The following TBC1D4 variants were observed in gnomAD, a reference collection of about 807,000 sequenced individuals.
The protein encoded by TBC1D4 is TBC (Tre-2, BUB2, CDC16) domain-containing protein.
A neutral mutation model predicts 142.5 loss-of-function variants in TBC1D4; 121 were observed. The observed-to-expected ratio is 0.85, with a 90% CI of 0.73 to 0.99. TBC1D4 has a LOEUF of 0.99. Ranked by LOEUF, TBC1D4 falls within the 50% of genes least tolerant of loss-of-function variation. The pLI is 0.00. For missense variants in TBC1D4, 1,475 were observed against 1,606.6 expected, an observed-to-expected ratio of 0.92 and a Z score of 1.40; for synonymous variants, 630 against 628.2, an observed-to-expected ratio of 1.00 and a Z score of -0.04.
chr13:75,360,845 T>A (rs1882442212), intron 2 of TBC1D4, among the ~76,000 whole-genome samples: 2 of 152,196 alleles, frequency 1.3e-5, no homozygotes. Flanking sequence ...GCTTTTTCTA[T>A]AATAAAATAT....
chr13:75,304,390 A>G (rs574548984), intron 15 of TBC1D4, among the ~76,000 whole-genome samples: 10 of 152,230 alleles, frequency 6.6e-5, no homozygotes, highest in Non-Finnish European at 1.5e-4. Flanking sequence ...ATCCATTCTC[A>G]GGAAAATCAT....
intron 11 of TBC1D4, among the ~76,000 whole-genome samples, chr13:75,323,574 C>A (rs1354936627): frequency 2.0e-5 from 3 of 152,080 alleles, no homozygotes; most frequent in Admixed American, 2.0e-4. Context: ...ATTTAACAGG[C>A]TATACATTTT....
At chr13:75,321,802 C>A (rs1878805334) in intron 11 of TBC1D4, among the ~76,000 whole-genome samples, 1 of 151,984 alleles carries the variant, frequency 6.6e-6, no homozygotes. Flanking sequence ...CATATGTCTA[C>A]TCACAAGAGA....
intron 1 of TBC1D4, among the ~76,000 whole-genome samples, chr13:75,421,759 C>G (rs2138122547): frequency 6.6e-6 from 1 of 152,260 alleles, no homozygotes; most frequent in South Asian, 2.1e-4. Context: ...TAACGAAGTA[C>G]TTTAAAAGTG....
chr13:75,362,592 T>TA lies in TBC1D4; in HGVS notation c.513dup (p.Ser172Ter), dbSNP rs756580276. The TA allele has an allele frequency of 8.1e-6, 13 of 1,613,934 alleles. No individual in the cohort carries two copies. The highest frequency in any genetic ancestry group is 1.0e-5 in the Non-Finnish European group (12 of 1,179,956). On this transcript the variant is annotated frameshift_variant, in exon 2 of 21. Transcript: ENST00000377636. LOFTEE classifies it high-confidence loss of function. This position sits in a 1 kb window ranked among gnomAD's most constrained non-coding sequence, Gnocchi z 4.2. ...GCTTTAGATAATTGCCTTATGCTGCTAATAACATCAGGAACCTGGGGGAAA... is the reference window on the plus strand; with the variant it reads ...GCTTTAGATAATTGCCTTATGCTGCTAAATAACATCAGGAACCTGGGGGAAA...
chr13:75,341,618 CAG>C (rs749914581), intron 5 of TBC1D4, 31 bp from the exon 6 acceptor site: 2 of 1,538,542 alleles, frequency 1.3e-6, no homozygotes, highest in South Asian at 2.2e-5. Flanking sequence ...AGGTATTAAA[CAG>C]AGTCTAGCAG....
intron 13 of TBC1D4, among the ~76,000 whole-genome samples, chr13:75,311,971 A>G (rs1043190608): frequency 3.9e-5 from 6 of 152,230 alleles, no homozygotes; most frequent in Non-Finnish European, 7.3e-5. Context: ...AAAGATGAGT[A>G]TGTTAAAATC....
intron 1 of TBC1D4, 73 bp downstream of exon 1, chr13:75,481,197 C>A: frequency 8.6e-7 from 1 of 1,163,286 alleles, no homozygotes; most frequent in East Asian, 3.1e-5. Context: ...AAGTGGGGTC[C>A]CCGCCCCTCC....
chr13:75,473,808 GTCC>G (rs373074957), intron 1 of TBC1D4, among the ~76,000 whole-genome samples: 52 of 152,210 alleles, frequency 3.4e-4, no homozygotes, highest in Non-Finnish European at 6.2e-4. Context: ...CCTATATTTT[GTCC>G]CTGTCATATA....
At position 75,306,334 on chromosome 13, in the gene TBC1D4, T is replaced by C; in HGVS notation, c.2731A>G (p.Ile911Val). 1 of 1,612,156 alleles carries C rather than the reference T, an allele frequency of 6.2e-7. No individual in the cohort carries two copies. Among genetic ancestry groups the C allele is most frequent in the Non-Finnish European group, 8.5e-7 (1 of 1,179,654 alleles). The change falls in exon 15 of 21, where the codon ATT becomes GTT. Residue 911 changes from isoleucine (I) to valine (V), a missense_variant. By Grantham distance (29) the Ile-to-Val change is conservative. Around this residue, in one of 2 missense-constraint regions of TBC1D4, gnomAD observed 1,227 missense variants for 1,267.7 expected, o/e 0.97. Transcript: ENST00000377636. ...ATACCTTCTTTAAGAAGAGTATGAA[T>C]ATCTTCCATATCACATCTGATTTTA... ...RAKIRCDMED[I>V]HTLLKEGVPK...
At chr13:75,459,894 G>A (rs138961466) in intron 1 of TBC1D4, among the ~76,000 whole-genome samples, 2,198 of 152,292 alleles carry the variant, frequency 0.014, 17 homozygotes, top group South Asian at 0.033. Context: ...TGTAATCCCA[G>A]CACTTTGGGA....
In TBC1D4 at chr13:75,481,410, C is replaced by A; in HGVS notation, c.358G>T (p.Glu120Ter). 6.2e-7 allele frequency: 1 copy of A among 1,613,860 alleles called. No homozygotes were observed. Among genetic ancestry groups the A allele is most frequent in the East Asian group, 2.2e-5 (1 of 44,836 alleles). The stretch of plus-strand genomic sequence containing the variant: ...CGCGAGATATGCTGCGCCTTGTGCT[C>A]GAAGATGAATACCGCCGGGTTGGGC... Reference protein sequence around the residue: ...TQPNPAVFIFEHKAQHISRFI... With the variant: ...TQPNPAVFIF Residue 120 changes from glutamate to a stop codon, truncating the protein, a stop_gained, in exon 1 of 21, where the codon GAG becomes TAG. Coordinates refer to ENST00000377636, the MANE Select transcript of TBC1D4 (RefSeq NM_014832.5). LOFTEE classifies it high-confidence loss of function.
At chr13:75,364,940 T>C (rs1170122764) in intron 1 of TBC1D4, among the ~76,000 whole-genome samples, 3 of 152,236 alleles carry the variant, frequency 2.0e-5, no homozygotes, top group African/African-American at 7.2e-5. Context: ...ACCTCAGAGT[T>C]CCATTCTACA....
intron 1 of TBC1D4, among the ~76,000 whole-genome samples, chr13:75,389,368 GTC>G (rs1446795206): frequency 6.6e-6 from 1 of 152,134 alleles, no homozygotes; most frequent in East Asian, 1.9e-4. Flanking sequence ...TCATCATACT[GTC>G]TCTGTTTCAG....
intron 8 of TBC1D4, among the ~76,000 whole-genome samples, chr13:75,328,772 A>C (rs1356729410): frequency 6.6e-6 from 1 of 151,574 alleles, no homozygotes; most frequent in Non-Finnish European, 1.5e-5. Flanking sequence ...CCAGGCTTCG[A>C]CTCTGTCTGC....
chr13:75,288,582 TC>T (rs1874931203), intron 20 of TBC1D4, among the ~76,000 whole-genome samples: 1 of 152,128 alleles, frequency 6.6e-6, no homozygotes, highest in Admixed American at 6.6e-5. Flanking sequence ...ACTCATTTCT[TC>T]CACCAACCCT....
intron 1 of TBC1D4, among the ~76,000 whole-genome samples, chr13:75,397,109 T>C (rs1309463249): frequency 1.3e-5 from 2 of 151,736 alleles, no homozygotes; most frequent in African/African-American, 2.4e-5. Flanking sequence ...CTTGAGATGT[T>C]AGAAGAATTT....
rs1352266807 is a variant in TBC1D4, at chr13:75,481,505, G to T, written c.263C>A (p.Ala88Glu). 2 of 1,611,826 alleles carry T rather than the reference G, an allele frequency of 1.2e-6. No individual in the cohort carries two copies. The highest frequency in any genetic ancestry group is 1.6e-4 in the Middle Eastern group (1 of 6,068). The change falls in exon 1 of 21, where the codon GCG becomes GAG. Residue 88 changes from alanine to glutamate, a missense_variant. Around this residue, in one of 2 missense-constraint regions of TBC1D4, gnomAD observed 1,227 missense variants for 1,267.7 expected, o/e 0.97. Transcript: ENST00000377636. ...AAREVILVLS[A>E]PFLRCVPAPG... ...CGCGGGGACGCAACGCAGGAAGGGCGCGCTGAGCACCAGGATCACCTCTCG... is the reference window on the plus strand; with the variant it reads ...CGCGGGGACGCAACGCAGGAAGGGCTCGCTGAGCACCAGGATCACCTCTCG...
intron 8 of TBC1D4, among the ~76,000 whole-genome samples, chr13:75,328,559 T>C (rs1879472350): frequency 6.6e-6 from 1 of 152,108 alleles, no homozygotes; most frequent in African/African-American, 2.4e-5. Flanking sequence ...AGGCCAACTA[T>C]AGAAGGAAAG....
Sources: gnomAD v4.1 joint callset for allele counts (sites outside exome capture counted in the v4.1 genomes callset) on GRCh38, gnomAD v4.1.1 for gene constraint, gnomAD v4.1.1 regional missense constraint, Gnocchi (gnomAD v3.1) non-coding constraint, MANE v1.5 for transcripts, NCBI Gene and HGNC (gene_info 2026-07-23, HGNC 2026-07-21) for gene names.